The following YPEL2 variants were observed in gnomAD, a reference collection of about 807,000 sequenced individuals.
YPEL2 encodes protein yippee-like 2.
Under a neutral mutation model 19.1 loss-of-function variants are expected in YPEL2, and 2 were observed. That is an observed-to-expected ratio of 0.10 (90% CI 0.04 to 0.33). The LOEUF is 0.33. Among genes scored for constraint, YPEL2 ranks in the 10% least tolerant of loss-of-function variants. YPEL2 has a pLI of 1.00. For synonymous variants in YPEL2, 52 were observed against 50.0 expected (o/e 1.04, Z -0.17); for missense variants, 66 against 140.7 (o/e 0.47, Z 2.68).
At chr17:59,393,501 ATTTT>A (rs1228313372) in intron 4 of YPEL2, among the ~76,000 whole-genome samples, 3 of 144,024 alleles carry the variant, frequency 2.1e-5, no homozygotes, top group Non-Finnish European at 3.1e-5. Flanking sequence ...TTTATTTTTT[ATTTT>A]TTTATTTTAT....
At chr17:59,386,704 C>G (rs73325143) in intron 2 of YPEL2, among the ~76,000 whole-genome samples, 1 of 152,128 alleles carries the variant, frequency 6.6e-6, no homozygotes, top group African/African-American at 2.4e-5. Flanking sequence ...ATTGTCTTAT[C>G]CAAACACTCA....
At chr17:59,386,801 T>C (rs1319592409) in intron 2 of YPEL2, among the ~76,000 whole-genome samples, 1 of 152,156 alleles carries the variant, frequency 6.6e-6, no homozygotes, top group East Asian at 1.9e-4. Context: ...TCCCCAGGGA[T>C]GTTTCAAGAC....
At chr17:59,345,632 C>T (rs1013874119) in intron 1 of YPEL2, among the ~76,000 whole-genome samples, 5 of 152,160 alleles carry the variant, frequency 3.3e-5, no homozygotes, top group Non-Finnish European at 2.9e-5. Context: ...ACTTAAACCA[C>T]AATGTACCTT....
intron 2 of YPEL2, chr17:59,355,991 C>T (rs1380147756): frequency 1.3e-5 from 2 of 152,134 alleles, no homozygotes; most frequent in African/African-American, 2.4e-5. Context: ...TCCACAGCCA[C>T]CCCCGGCGTT....
At chr17:59,370,907 G>A (rs2047893947) in intron 2 of YPEL2, among the ~76,000 whole-genome samples, 1 of 152,224 alleles carries the variant, frequency 6.6e-6, no homozygotes. Flanking sequence ...AACTGGGTCA[G>A]GGGGAGTGAC....
At chr17:59,379,541 A>C (rs1282246440) in intron 2 of YPEL2, among the ~76,000 whole-genome samples, 1 of 152,196 alleles carries the variant, frequency 6.6e-6, no homozygotes, top group East Asian at 1.9e-4. Context: ...TAAAATGTAT[A>C]GTGCCTGGAG....
rs373789547 is a variant in YPEL2 at position 59,387,257 on chromosome 17, T to TA, written c.118-1047dup. ...CTGGATGACAGAGCAAGACTCCATC[T>TA]AAAAAAAAAAAAAAAAAAAAAAAGA... On this transcript the variant is annotated intron_variant, in intron 2 of 4. Coordinates refer to ENST00000312655, the MANE Select transcript of YPEL2 (RefSeq NM_001005404.4). Among the ~76,000 whole-genome samples the TA allele has an allele frequency of 8.8e-3, 671 of 76,648 alleles. 4 individuals carry two copies. The highest frequency in any genetic ancestry group is 0.039 in the Middle Eastern group (6 of 154). The allele number at this position is 76,648 out of a possible 152,430, so 50.3% of individuals were successfully genotyped here. A position where few individuals can be genotyped will look rare whatever the true frequency, so the allele number is the denominator to read the frequency against.
At chr17:59,337,183 C>CTTTTTTTTTTTTTTTTTT (rs146083930) in intron 1 of YPEL2, among the ~76,000 whole-genome samples, 1 of 136,500 alleles carries the variant, frequency 7.3e-6, no homozygotes, top group Non-Finnish European at 1.6e-5. Flanking sequence ...GGGAGAAATT[C>CTTTTTTTTTTTTTTTTTT]TTTTTTTTTG....
At chr17:59,384,254 C>T (rs2047969261) in intron 2 of YPEL2, among the ~76,000 whole-genome samples, 1 of 152,198 alleles carries the variant, frequency 6.6e-6, no homozygotes. Context: ...GTCACAAAGA[C>T]TTTCTTCTGA....
chr17:59,339,784 G>T (rs2047718474), intron 1 of YPEL2, among the ~76,000 whole-genome samples: 1 of 152,118 alleles, frequency 6.6e-6, no homozygotes, highest in Admixed American at 6.5e-5. Context: ...GAAAGCAGGG[G>T]TCATCATCAT....
Position 59,353,340 on chromosome 17 carries a change from C to T in YPEL2, c.-70C>T, listed in dbSNP as rs2047796531. The stretch of plus-strand genomic sequence containing the variant: ...CCTTTACCTGTGTCTTCCGGTGTTT[C>T]CCGTGCGACCCATCCTGTGGGAGTG... On this transcript the variant is annotated 5_prime_UTR_variant, in exon 2 of 5. Transcript: ENST00000312655. This position sits in a 1 kb window ranked among gnomAD's most constrained non-coding sequence, Gnocchi z 4.8. 8.5e-7 allele frequency: 1 copy of T among 1,172,084 alleles called. No homozygotes were observed. The highest frequency in any genetic ancestry group is 2.4e-5 in the East Asian group (1 of 42,414). The allele number at this position is 1,172,084 out of a possible 1,614,324, so 72.6% of individuals were successfully genotyped here.
At chr17:59,348,532 C>T (rs993135925) in intron 1 of YPEL2, among the ~76,000 whole-genome samples, 2 of 152,222 alleles carry the variant, frequency 1.3e-5, no homozygotes, top group African/African-American at 2.4e-5. Flanking sequence ...GCTCCCTGTG[C>T]ATTTGTCTCT....
chr17:59,334,699 C>T (rs1176217985), intron 1 of YPEL2, among the ~76,000 whole-genome samples: 1 of 152,030 alleles, frequency 6.6e-6, no homozygotes, highest in African/African-American at 2.4e-5. Flanking sequence ...ATGAAAGCTG[C>T]GATTTAGCTT....
intron 1 of YPEL2, among the ~76,000 whole-genome samples, chr17:59,343,313 C>T (rs2047740756): frequency 6.6e-6 from 1 of 151,768 alleles, no homozygotes; most frequent in Non-Finnish European, 1.5e-5. Flanking sequence ...TAACATTTAT[C>T]AAGGATTTCC....
At chr17:59,361,428 T>C (rs933225817) in intron 2 of YPEL2, among the ~76,000 whole-genome samples, 13 of 152,238 alleles carry the variant, frequency 8.5e-5, no homozygotes, top group Non-Finnish European at 1.9e-4. Context: ...AAGTTTCTAC[T>C]TCATCTTATG....
chr17:59,392,737 C>T (rs999146861), intron 4 of YPEL2, among the ~76,000 whole-genome samples: 3 of 152,140 alleles, frequency 2.0e-5, no homozygotes, highest in Non-Finnish European at 2.9e-5. Flanking sequence ...TGGTCTCGAA[C>T]TCCTCACCTC....
At chr17:59,389,841 A>C (rs2047998917) in intron 4 of YPEL2, among the ~76,000 whole-genome samples, 1 of 152,100 alleles carries the variant, frequency 6.6e-6, no homozygotes, top group Non-Finnish European at 1.5e-5. Context: ...AGTATGTCCA[A>C]GGCAATCTAG....
At chr17:59,386,729 G>A (rs1352914358) in intron 2 of YPEL2, among the ~76,000 whole-genome samples, 1 of 152,170 alleles carries the variant, frequency 6.6e-6, no homozygotes, top group Non-Finnish European at 1.5e-5. Flanking sequence ...GGACTTCCAG[G>A]TTCCAGGTTT....
At chr17:59,340,045 C>T (rs374703158) in intron 1 of YPEL2, among the ~76,000 whole-genome samples, 8 of 152,030 alleles carry the variant, frequency 5.3e-5, no homozygotes, top group African/African-American at 1.9e-4. Flanking sequence ...TCTGATTAAC[C>T]ATGGCCAGGA....
Sources: gnomAD v4.1 joint callset for allele counts (sites outside exome capture counted in the v4.1 genomes callset) on GRCh38, gnomAD v4.1.1 for gene constraint, Gnocchi (gnomAD v3.1) non-coding constraint, MANE v1.5 for transcripts, NCBI Gene and HGNC (gene_info 2026-07-23, HGNC 2026-07-21) for gene names.